The following NBAS variants were observed in gnomAD, a reference collection of about 807,000 sequenced individuals.
The protein encoded by NBAS is NBAS subunit of NRZ tethering complex, also known as NAG/BC035112 fusion.
In NBAS, 219 loss-of-function variants were observed where a neutral mutation model predicts 302.5. The observed-to-expected ratio is 0.72, with a 90% CI of 0.65 to 0.81. The LOEUF is 0.81. Among genes scored for constraint, NBAS ranks in the 30% least tolerant of loss-of-function variants. The pLI is 0.00. For synonymous variants in NBAS, 1,118 were observed against 1,021.6 expected (o/e 1.09, Z -1.80); for missense variants, 2,932 against 2,841.6 (o/e 1.03, Z -0.72).
intron 8 of NBAS, among the ~76,000 whole-genome samples, chr2:15,535,189 G>A (rs1219582484): frequency 6.6e-6 from 1 of 152,160 alleles, no homozygotes; most frequent in Admixed American, 6.5e-5. Flanking sequence ...GATGCTCAGA[G>A]GATAACAAAA....
chr2:15,559,800 A>G (rs998513305), intron 1 of NBAS, among the ~76,000 whole-genome samples: 6 of 152,230 alleles, frequency 3.9e-5, no homozygotes, highest in African/African-American at 1.4e-4. Flanking sequence ...CTTTTTTGGA[A>G]TCAATTTATG....
At chr2:14,851,650 T>A in the NBAS span, among the ~76,000 whole-genome samples, 1 of 111,006 alleles carries the variant, frequency 9.0e-6, no homozygotes, top group Admixed American at 8.4e-5. Flanking sequence ...TAGACCAATA[T>A]CCTTGATGAA....
Position 15,292,674 on chromosome 2 carries a change from C to A in NBAS, c.4890G>T (p.Lys1630Asn). 4 of 1,614,168 alleles carry A rather than the reference C, an allele frequency of 2.5e-6. No individual in the cohort carries two copies. Among genetic ancestry groups the A allele is most frequent in the Non-Finnish European group, 3.4e-6 (4 of 1,180,034 alleles). The stretch of plus-strand genomic sequence containing the variant: ...GACGTTCATTGTAGCAGTGTAACTG[C>A]TTGGTCAGTGAAATAAGGTCTTCAG... ...AWPEDLISLT[K>N]QLHCYNERLL... is the part of the protein sequence containing the mutation. Residue 1630 changes from lysine to asparagine, a missense_variant, in exon 41 of 52, where the codon AAG becomes AAT. By Grantham distance (94) the Lys-to-Asn change is moderately conservative (BLOSUM62 0). Coordinates refer to ENST00000281513, the MANE Select transcript of NBAS (RefSeq NM_015909.4).
chr2:15,431,049 C>A (rs2148491391), intron 21 of NBAS, among the ~76,000 whole-genome samples: 1 of 152,018 alleles, frequency 6.6e-6, no homozygotes, highest in Non-Finnish European at 1.5e-5. Context: ...CCAGGTAATC[C>A]ACCCACCTCG....
the NBAS span, among the ~76,000 whole-genome samples, chr2:14,795,658 C>G: frequency 2.0e-5 from 3 of 152,134 alleles, no homozygotes; most frequent in Non-Finnish European, 4.4e-5. Context: ...GATTTATCAG[C>G]TTGGCACTAT....
At chr2:14,984,048 A>G in the NBAS span, among the ~76,000 whole-genome samples, 4 of 152,180 alleles carry the variant, frequency 2.6e-5, no homozygotes, top group African/African-American at 9.7e-5. Flanking sequence ...GCAATTTCAG[A>G]ACATTTTATC....
chr2:15,468,433 C>T lies in NBAS; in HGVS notation c.1826G>A (p.Gly609Asp), dbSNP rs1318558966. 6.2e-7 allele frequency: 1 copy of T among 1,614,076 alleles called. No individual in the cohort carries two copies. The highest frequency in any genetic ancestry group is 8.5e-7 in the Non-Finnish European group (1 of 1,179,974). Reference protein sequence around the residue: ...AKELLQYGLKGTDLEALLAIG... With the variant: ...AKELLQYGLKDTDLEALLAIG... ...TGCTAAAAGAGCCTCCAGGTCTGTGCCTTTTAATCCATACTGAAGCAGTTC... is the reference window on the plus strand; with the variant it reads ...TGCTAAAAGAGCCTCCAGGTCTGTGTCTTTTAATCCATACTGAAGCAGTTC... The change falls in exon 17 of 52, where the codon GGC (glycine) becomes GAC (aspartate). Residue 609 changes from glycine to aspartate, a missense_variant. By Grantham distance (94) the Gly-to-Asp change is moderately conservative (BLOSUM62 -1). Coordinates refer to ENST00000281513, the MANE Select transcript of NBAS (RefSeq NM_015909.4).
At chr2:15,520,239 A>C (rs1001189234) in intron 9 of NBAS, among the ~76,000 whole-genome samples, 36 of 152,236 alleles carry the variant, frequency 2.4e-4, no homozygotes, top group African/African-American at 7.7e-4. Flanking sequence ...CCATCGCTTC[A>C]AAAAATTAAA....
chr2:15,468,385 C>T lies in NBAS; in HGVS notation c.1874G>A (p.Gly625Asp). Residue 625 changes from glycine (G) to aspartate (D), a missense_variant, in exon 17 of 52, where the codon GGC (glycine) becomes GAC (aspartate). Coordinates refer to ENST00000281513, the MANE Select transcript of NBAS (RefSeq NM_015909.4). ...TCCAATTCTTTCTGTAACCAACCTGCCATCATCTGCTCCTTTCCCTATTGC... is the reference window on the plus strand; with the variant it reads ...TCCAATTCTTTCTGTAACCAACCTGTCATCATCTGCTCCTTTCCCTATTGC... ...LLAIGKGADD[G>D]RFTLPGEIDI... 1 of 1,614,026 alleles carries T rather than the reference C, an allele frequency of 6.2e-7. No homozygotes were observed. Among genetic ancestry groups the T allele is most frequent in the Non-Finnish European group, 8.5e-7 (1 of 1,179,934 alleles).
chr2:15,307,775 G>C (rs1671093841), intron 40 of NBAS, among the ~76,000 whole-genome samples: 1 of 151,768 alleles, frequency 6.6e-6, no homozygotes, highest in Non-Finnish European at 1.5e-5. Flanking sequence ...TCAACATTCT[G>C]TCCGTACAAC....
At chr2:15,414,001 G>T (rs1433236263) in intron 25 of NBAS, among the ~76,000 whole-genome samples, 1 of 152,190 alleles carries the variant, frequency 6.6e-6, no homozygotes, top group African/African-American at 2.4e-5. Flanking sequence ...TTACTGGAAA[G>T]AATTTAAAGT....
rs115349507 is a variant in NBAS at position 15,344,724 on chromosome 2, G to C, written c.4179+7268C>G. 4.2e-3 allele frequency among the ~76,000 whole-genome samples: 647 copies of C among 152,236 alleles called. 6 individuals carry two copies. The highest frequency in any genetic ancestry group is 0.015 in the African/African-American group (617 of 41,536). ...GACACAACAAACAAAGAAAACTTCAGGCCAATATCGCTGATGAACATCAAC... is the reference window on the plus strand; with the variant it reads ...GACACAACAAACAAAGAAAACTTCACGCCAATATCGCTGATGAACATCAAC... On this transcript the variant is annotated intron_variant, in intron 35 of 51. Transcript: ENST00000281513.
At chr2:15,460,725 ATAAT>A (rs1181674845) in intron 21 of NBAS, among the ~76,000 whole-genome samples, 3 of 152,184 alleles carry the variant, frequency 2.0e-5, no homozygotes, top group African/African-American at 7.2e-5. Flanking sequence ...TAAGAGGAGG[ATAAT>A]TAGTCTAGTG....
chr2:15,422,959 G>A (rs929211876), intron 23 of NBAS, among the ~76,000 whole-genome samples: 1 of 152,136 alleles, frequency 6.6e-6, no homozygotes, highest in Admixed American at 6.5e-5. Flanking sequence ...ACATATATTT[G>A]CAAAACTCCT....
chr2:14,865,796 T>C, the NBAS span, among the ~76,000 whole-genome samples: 2 of 136,040 alleles, frequency 1.5e-5, no homozygotes, highest in African/African-American at 3.7e-5. Flanking sequence ...AACAATCCTA[T>C]GAATCTGTTA....
the NBAS span, among the ~76,000 whole-genome samples, chr2:15,160,602 G>GGGGGGGGGGGGGGGGGGGC: frequency 1.6e-5 from 2 of 122,600 alleles, no homozygotes; most frequent in Admixed American, 8.3e-5. Context: ...AGGGGGGGGG[G>GGGGGGGGGGGGGGGGGGGC]CAGGAGGCTG....
At chr2:15,180,819 G>A (rs1376817495) in intron 50 of NBAS, among the ~76,000 whole-genome samples, 1 of 152,188 alleles carries the variant, frequency 6.6e-6, no homozygotes, top group Non-Finnish European at 1.5e-5. Flanking sequence ...TATGGCTGCT[G>A]GGTGCTGGAC....
chr2:15,195,247 G>A (rs1249467280), intron 48 of NBAS, among the ~76,000 whole-genome samples: 1 of 152,164 alleles, frequency 6.6e-6, no homozygotes. Flanking sequence ...CGAGAGTGAT[G>A]CTCTGAATGG....
chr2:15,111,427 A>G, the NBAS span, among the ~76,000 whole-genome samples: 1 of 152,166 alleles, frequency 6.6e-6, no homozygotes, highest in South Asian at 2.1e-4. Context: ...GTGCAGAGGG[A>G]GCAGGTGGAA....
Sources: allele counts gnomAD v4.1 joint callset (sites outside exome capture counted in the v4.1 genomes callset), GRCh38; gene constraint gnomAD v4.1.1; transcripts MANE v1.5; gene names NCBI Gene and HGNC (gene_info 2026-07-23, HGNC 2026-07-21).